Variants in PUM2 observed in about 807,000 individuals in gnomAD.
PUM2 encodes pumilio homolog 2.
In PUM2, 57 loss-of-function variants were observed where a neutral mutation model predicts 124.5. That is an observed-to-expected ratio of 0.46 (90% CI 0.37 to 0.57). The LOEUF is 0.57. Among genes scored for constraint, PUM2 ranks in the 20% least tolerant of loss-of-function variants. The probability of loss-of-function intolerance (pLI) is 0.00; values close to 1 mark genes in which losing one functional copy is unlikely to be tolerated. For missense variants in PUM2, 1,065 were observed against 1,290.6 expected (o/e 0.83, Z 2.68); for synonymous variants, 460 against 446.1 (o/e 1.03, Z -0.39).
intron 2 of PUM2, among the ~76,000 whole-genome samples, chr2:20,321,996 A>C (rs902694638): frequency 7.2e-5 from 11 of 152,276 alleles, no homozygotes; most frequent in Admixed American, 2.0e-4. Context: ...AAAAAATAAA[A>C]TAAACTCCCA....
intron 13 of PUM2, among the ~76,000 whole-genome samples, chr2:20,273,562 A>T (rs1364583006): frequency 8.5e-5 from 13 of 152,256 alleles, no homozygotes; most frequent in Admixed American, 8.5e-4. Context: ...AGACATTTTT[A>T]TACAGAAAAC....
chr2:20,255,085 GT>G, intron 18 of PUM2, 101 bp from the exon 19 acceptor site: 2 of 1,474,458 alleles, frequency 1.4e-6, no homozygotes, highest in South Asian at 2.5e-5. Context: ...CAGTAGGATA[GT>G]TAGGAGAATA....
At position 20,255,313 on chromosome 2, in the gene PUM2, C is replaced by T; in HGVS notation, c.2651G>A (p.Gly884Asp). The change falls in exon 18 of 21, where the codon GGC becomes GAC. Residue 884 changes from glycine (G) to aspartate (D), a missense_variant. Physicochemically the swap from Gly to Asp is moderately conservative, Grantham distance 94. Around this residue, in one of 3 missense-constraint regions of PUM2, gnomAD observed 968 missense variants for 1,159.8 expected, o/e 0.83. Coordinates refer to ENST00000361078, the MANE Select transcript of PUM2 (RefSeq NM_015317.5). ...TAGGATGCGCTGAATTACTCTGCAG[C>T]CATAAGGATGAGTTGAAAGCACAAA... is the stretch of plus-strand genomic sequence containing the variant. ...QVFVLSTHPY[G>D]CRVIQRILEH... 1 of 1,612,418 alleles carries T rather than the reference C, an allele frequency of 6.2e-7. No homozygotes were observed. Among genetic ancestry groups the T allele is most frequent in the Non-Finnish European group, 8.5e-7 (1 of 1,178,946 alleles).
intron 1 of PUM2, among the ~76,000 whole-genome samples, chr2:20,330,638 C>T (rs113767788): frequency 9.2e-5 from 14 of 152,264 alleles, no homozygotes; most frequent in East Asian, 1.9e-4. Flanking sequence ...CTATTCTCAA[C>T]GGTATTCTTT....
chr2:20,343,272 T>A (rs1018678343), intron 1 of PUM2, among the ~76,000 whole-genome samples: 1 of 152,108 alleles, frequency 6.6e-6, no homozygotes, highest in Non-Finnish European at 1.5e-5. Flanking sequence ...TACATGCCTG[T>A]GGTCCCAGCT....
chr2:20,346,993 ACTT>A (rs1305775009), intron 1 of PUM2, among the ~76,000 whole-genome samples: 2 of 152,096 alleles, frequency 1.3e-5, no homozygotes, highest in African/African-American at 4.8e-5. Context: ...ACTTCATGCT[ACTT>A]CTTTTTTTGC....
At position 20,251,390 on chromosome 2, in the gene PUM2, A is replaced by G. The variant is rs1015490866; in HGVS notation, c.*195T>C. The G allele has an allele frequency of 1.0e-5, 6 of 599,310 alleles. No individual in the cohort carries two copies. In the African/African-American group the frequency reaches 1.1e-4, roughly 11 times the overall value. The allele number at this position is 599,310 out of a possible 1,614,324, so 37.1% of individuals were successfully genotyped here. On this transcript the variant is annotated 3_prime_UTR_variant, in exon 21 of 21. Coordinates refer to ENST00000361078, the MANE Select transcript of PUM2 (RefSeq NM_015317.5). ...AGGTCTCCACTCAGGGCTGAATATA[A>G]TTTATAATTCATCCCCCACCCCCCA...
intron 3 of PUM2, among the ~76,000 whole-genome samples, chr2:20,315,898 G>A (rs1680825072): frequency 6.7e-6 from 1 of 148,834 alleles, no homozygotes; most frequent in South Asian, 2.1e-4. Flanking sequence ...TTAAATCATT[G>A]GTTCTGATTC....
rs1175933458 is a variant in PUM2, at chr2:20,260,355, A to G, written c.2337T>C (p.Val779=). 1.9e-6 allele frequency: 3 copies of G among 1,612,066 alleles called. No individual in the cohort carries two copies. The African/African-American group carries it at 4.0e-5, about 22-fold the overall frequency. Residue 779 remains valine (V), a synonymous_variant, in exon 15 of 21, where the codon GTT becomes GTC. Transcript: ENST00000361078. ...TCCTTACCTCAAAAAACTTCTGTATAACATAGTTGCCAAAAACATCAGTCA... is the reference window on the plus strand; with the variant it reads ...TCCTTACCTCAAAAAACTTCTGTATGACATAGTTGCCAAAAACATCAGTCA... ...QLMTDVFGNY[V]IQKFFEFGSL...
chr2:20,350,859 G>A (rs951104824), upstream of PUM2: 3 of 878,976 alleles, frequency 3.4e-6, no homozygotes, highest in African/African-American at 1.9e-5. Flanking sequence ...CCCGCCCACC[G>A]GGCGCGCGCA....
rs774985208 is a variant in PUM2, at chr2:20,274,957, C to CAAAA, written c.1957+3622_1957+3625dup. 5.1e-3 allele frequency among the ~76,000 whole-genome samples: 160 copies of CAAAA among 31,416 alleles called. 28 individuals are homozygous for CAAAA. Among genetic ancestry groups the CAAAA allele is most frequent in the East Asian group, 0.043 (52 of 1,216 alleles). The allele number at this position is 31,416 out of a possible 152,430, so 20.6% of individuals were successfully genotyped here. On this transcript the variant is annotated intron_variant, in intron 13 of 20. Transcript: ENST00000361078. ...TTCTTCACAACAAGTGAAGTATCTC[C>CAAAA]AAAAAAAAAAAAAAAAAGATGCTTA...
chr2:20,340,779 TCA>T (rs1464853682), intron 1 of PUM2, among the ~76,000 whole-genome samples: 3 of 152,192 alleles, frequency 2.0e-5, no homozygotes, highest in Non-Finnish European at 4.4e-5. Context: ...TTTGTTAGTA[TCA>T]GTCATCATGG....
chr2:20,332,282 AGTGTGTGTGTGTGTGT>A (rs55986830), intron 1 of PUM2, among the ~76,000 whole-genome samples: 41,828 of 145,386 alleles, frequency 0.29, 6,196 homozygotes, highest in Middle Eastern at 0.35. Flanking sequence ...ATACTACTAG[AGTGTGTGTGTGTGTGT>A]GTGTGTGTGT....
intron 13 of PUM2, among the ~76,000 whole-genome samples, chr2:20,276,225 T>TGTTG (rs1670228315): frequency 6.6e-6 from 1 of 151,558 alleles, no homozygotes; most frequent in South Asian, 2.1e-4. Context: ...AAAATACATG[T>TGTTG]GTTGGTTATA....
chr2:20,286,346 G>C (rs576911247), intron 10 of PUM2, among the ~76,000 whole-genome samples: 1 of 152,212 alleles, frequency 6.6e-6, no homozygotes, highest in Admixed American at 6.5e-5. Context: ...ATTAGACGTG[G>C]GATGTGAGGT....
chr2:20,265,604 T>G (rs2148625023), intron 13 of PUM2, among the ~76,000 whole-genome samples: 1 of 152,352 alleles, frequency 6.6e-6, no homozygotes, highest in East Asian at 1.9e-4. Context: ...TAAAATTTTT[T>G]CTTAATCAGC....
intron 2 of PUM2, chr2:20,326,264 T>G: frequency 3.1e-6 from 4 of 1,303,622 alleles, no homozygotes; most frequent in Non-Finnish European, 4.0e-6. Flanking sequence ...AACTCACCCT[T>G]AAATCAGTCC....
At chr2:20,299,130 A>G (rs1676350546) in intron 7 of PUM2, among the ~76,000 whole-genome samples, 1 of 152,160 alleles carries the variant, frequency 6.6e-6, no homozygotes, top group Admixed American at 6.5e-5. Context: ...CTCCAACTTG[A>G]AGCCAGTCGG....
intron 3 of PUM2, among the ~76,000 whole-genome samples, chr2:20,318,256 A>C (rs892623768): frequency 6.6e-5 from 10 of 152,180 alleles, no homozygotes; most frequent in Non-Finnish European, 1.3e-4. Context: ...CCTTGATAAA[A>C]TCTTACTGTG....
Sources: allele counts gnomAD v4.1 joint callset (sites outside exome capture counted in the v4.1 genomes callset), GRCh38; gene constraint gnomAD v4.1.1; regional missense constraint gnomAD v4.1.1; transcripts MANE v1.5; gene names NCBI Gene and HGNC (gene_info 2026-07-23, HGNC 2026-07-21).